The following DMD variants were observed in gnomAD, a reference collection of about 807,000 sequenced individuals.
DMD encodes the protein mutant dystrophin.
Under a neutral mutation model 330.1 loss-of-function variants are expected in DMD, and 63 were observed. The observed-to-expected ratio is 0.19, with a 90% CI of 0.16 to 0.24. The LOEUF (loss-of-function observed/expected upper bound fraction) is 0.24, where lower values mean the gene tolerates loss of function less well. DMD is among the 10% of genes least tolerant of loss of function. The pLI is 1.00. For synonymous variants in DMD, 1,223 were observed against 959.8 expected (o/e 1.27, Z -5.07); for missense variants, 3,344 against 2,684.1 (o/e 1.25, Z -5.43).
chrX:31,140,199 C>T (rs942195632), intron 76 of DMD, among the ~76,000 whole-genome samples: 6 of 112,751 alleles, frequency 5.3e-5, no homozygotes, highest in Non-Finnish European at 1.1e-4. Context: ...TTGATTCAAA[C>T]GCTGATAATG....
At chrX:32,233,872 C>T (rs1277379909) in intron 43 of DMD, among the ~76,000 whole-genome samples, 2 of 110,257 alleles carry the variant, frequency 1.8e-5, no homozygotes, top group Admixed American at 9.8e-5. Context: ...TCAGGTGATC[C>T]GCCCACCTTG....
At chrX:32,887,730 AAAGC>A (rs2084753553) in intron 2 of DMD, among the ~76,000 whole-genome samples, 1 of 91,566 alleles carries the variant, frequency 1.1e-5, no homozygotes, top group Admixed American at 1.2e-4. Flanking sequence ...CCTGGGTGAC[AAAGC>A]AAGACTGTCT....
At chrX:31,589,359 C>T (rs2076763354) in intron 55 of DMD, among the ~76,000 whole-genome samples, 1 of 111,313 alleles carries the variant, frequency 9.0e-6, no homozygotes, top group South Asian at 3.7e-4. Flanking sequence ...ATTCCGGGTT[C>T]TATCCTATCC....
At chrX:33,109,148 A>G (rs998434128) in intron 1 of DMD, among the ~76,000 whole-genome samples, 18 of 110,282 alleles carry the variant, frequency 1.6e-4, no homozygotes, top group Admixed American at 9.8e-4. Flanking sequence ...TACTCATGCT[A>G]TTGTTTTGAA....
At chrX:31,154,687 T>C (rs2037894573) in intron 74 of DMD, among the ~76,000 whole-genome samples, 1 of 111,659 alleles carries the variant, frequency 9.0e-6, no homozygotes, top group Non-Finnish European at 1.9e-5. Context: ...TACACGTACA[T>C]CTCACCCCTA....
At chrX:31,123,568 TC>T (rs1355328121) in intron 78 of DMD, among the ~76,000 whole-genome samples, 1 of 111,940 alleles carries the variant, frequency 8.9e-6, no homozygotes, top group East Asian at 2.8e-4. Flanking sequence ...TTGGAGGGCT[TC>T]CCCTGTATCT....
chrX:32,514,634 A>G (rs56930984), intron 18 of DMD, among the ~76,000 whole-genome samples: 5,193 of 111,935 alleles, frequency 0.046, 299 homozygotes, highest in African/African-American at 0.16. Flanking sequence ...CCAGCTACTC[A>G]GGAGGCTGAG....
chrX:32,316,280 C>A (rs1240998824), intron 41 of DMD, among the ~76,000 whole-genome samples: 1 of 111,258 alleles, frequency 9.0e-6, no homozygotes, highest in Non-Finnish European at 1.9e-5. Flanking sequence ...TGAGAAAAAT[C>A]ATTTCTATCC....
At chrX:31,448,507 G>T (rs1037494242) in intron 59 of DMD, among the ~76,000 whole-genome samples, 1 of 111,911 alleles carries the variant, frequency 8.9e-6, no homozygotes, top group Non-Finnish European at 1.9e-5. Context: ...ACATTGGTTT[G>T]GCTATATTTC....
intron 44 of DMD, among the ~76,000 whole-genome samples, chrX:32,008,841 T>G (rs1165227024): frequency 1.8e-5 from 2 of 110,827 alleles, no homozygotes; most frequent in Non-Finnish European, 3.8e-5. Flanking sequence ...GCTTGAAACA[T>G]GAGCATGATG....
chrX:31,692,843 C>T (rs1192452070), intron 52 of DMD, among the ~76,000 whole-genome samples: 2 of 111,605 alleles, frequency 1.8e-5, no homozygotes, highest in East Asian at 2.8e-4. Flanking sequence ...ATTCTACAAA[C>T]ATTTAAAGAA....
chrX:31,454,915 G>GATAT (rs35463036), intron 59 of DMD, among the ~76,000 whole-genome samples: 2 of 100,505 alleles, frequency 2.0e-5, no homozygotes, highest in Non-Finnish European at 4.0e-5. Flanking sequence ...CACTGGCATT[G>GATAT]ATATATATAT....
chrX:32,603,196 A>C (rs1569289789), intron 12 of DMD, among the ~76,000 whole-genome samples: 1 of 111,541 alleles, frequency 9.0e-6, no homozygotes, highest in Non-Finnish European at 1.9e-5. Context: ...AAAAAACTAG[A>C]AATGAGTACC....
At chrX:32,888,148 T>A (rs1042946238) in intron 2 of DMD, among the ~76,000 whole-genome samples, 5 of 111,036 alleles carry the variant, frequency 4.5e-5, no homozygotes, top group African/African-American at 1.6e-4. Flanking sequence ...ATTTTTATTT[T>A]TTATTTTTTT....
At chrX:31,385,090 G>C (rs1405302954) in intron 60 of DMD, among the ~76,000 whole-genome samples, 1 of 112,014 alleles carries the variant, frequency 8.9e-6, no homozygotes, top group Non-Finnish European at 1.9e-5. Flanking sequence ...CTACATGAAG[G>C]TTCACAAGGT....
intron 55 of DMD, among the ~76,000 whole-genome samples, chrX:31,566,671 T>A (rs2075481804): frequency 9.0e-6 from 1 of 111,709 alleles, no homozygotes; most frequent in African/African-American, 3.2e-5. Flanking sequence ...AAATTAAACC[T>A]TTAGATTGAT....
intron 76 of DMD, among the ~76,000 whole-genome samples, chrX:31,141,479 GA>G (rs941978720): frequency 6.3e-5 from 7 of 111,898 alleles, no homozygotes; most frequent in Non-Finnish European, 1.1e-4. Flanking sequence ...AAAGGCAGAG[GA>G]ACCAATTAGG....
chrX:32,275,543 A>G (rs1321345440), intron 43 of DMD, among the ~76,000 whole-genome samples: 1 of 111,977 alleles, frequency 8.9e-6, no homozygotes, highest in Non-Finnish European at 1.9e-5. Flanking sequence ...ATGGAGAAAA[A>G]CTTAAAGGTT....
At chrX:32,187,657 T>C (rs1407864936) in intron 44 of DMD, among the ~76,000 whole-genome samples, 1 of 111,802 alleles carries the variant, frequency 8.9e-6, no homozygotes, top group Admixed American at 9.5e-5. Context: ...GAATTAAAAA[T>C]CCATTTAATA....
Sources: gnomAD v4.1 joint callset for allele counts (sites outside exome capture counted in the v4.1 genomes callset) on GRCh38, gnomAD v4.1.1 for gene constraint, MANE v1.5 for transcripts, NCBI Gene and HGNC (gene_info 2026-07-23, HGNC 2026-07-21) for gene names.